The following IL15 variants were observed in gnomAD, a reference collection of about 807,000 sequenced individuals.
The protein encoded by IL15 is interleukin-15.
Under a neutral mutation model 19.6 loss-of-function variants are expected in IL15, and 11 were observed. The ratio of observed to expected loss-of-function variants is 0.56; its 90% CI spans 0.35 to 0.93. The LOEUF (loss-of-function observed/expected upper bound fraction) is 0.93, where lower values mean the gene tolerates loss of function less well. Among genes scored for constraint, IL15 ranks in the 40% least tolerant of loss-of-function variants. The pLI is 0.01. For missense variants in IL15, 197 were observed against 186.5 expected (o/e 1.06, Z -0.33); for synonymous variants, 58 against 59.6 (o/e 0.97, Z 0.12).
intron 2 of IL15, among the ~76,000 whole-genome samples, chr4:141,695,016 T>C (rs188635336): frequency 1.6e-3 from 237 of 152,300 alleles, no homozygotes; most frequent in Non-Finnish European, 3.0e-3. Flanking sequence ...CCTTCCAATT[T>C]GTCTCCCTGT....
chr4:141,709,642 A>T (rs1426082289), intron 2 of IL15, among the ~76,000 whole-genome samples: 1 of 152,232 alleles, frequency 6.6e-6, no homozygotes, highest in Non-Finnish European at 1.5e-5. Context: ...AATTTCTAAA[A>T]ACTATGTTAA....
At chr4:141,705,982 A>AAG (rs1729501972) in intron 2 of IL15, among the ~76,000 whole-genome samples, 1 of 151,800 alleles carries the variant, frequency 6.6e-6, no homozygotes, top group Non-Finnish European at 1.5e-5. Context: ...GGCAGCATAT[A>AAG]GTTGGTTCCT....
intron 2 of IL15, among the ~76,000 whole-genome samples, chr4:141,683,932 T>C (rs568786402): frequency 6.6e-6 from 1 of 152,206 alleles, no homozygotes; most frequent in Non-Finnish European, 1.5e-5. Context: ...GAGAGATTAA[T>C]AACTAGCTTT....
chr4:141,689,669 G>A (rs1728841852), intron 2 of IL15, among the ~76,000 whole-genome samples: 1 of 152,154 alleles, frequency 6.6e-6, no homozygotes, highest in Non-Finnish European at 1.5e-5. Flanking sequence ...TAGACACAGG[G>A]TGCTGATTGG....
At chr4:141,700,275 A>C (rs1311022727) in intron 2 of IL15, among the ~76,000 whole-genome samples, 2 of 152,142 alleles carry the variant, frequency 1.3e-5, no homozygotes, top group Non-Finnish European at 2.9e-5. Context: ...TTGTTTTAAG[A>C]TTTAGAACTT....
chr4:141,690,243 C>G (rs1287962214), intron 2 of IL15, among the ~76,000 whole-genome samples: 1 of 152,224 alleles, frequency 6.6e-6, no homozygotes, highest in Non-Finnish European at 1.5e-5. Flanking sequence ...ACCTCTCCCT[C>G]CACACCTCCC....
intron 2 of IL15, among the ~76,000 whole-genome samples, chr4:141,690,150 G>A (rs756731930): frequency 1.3e-5 from 2 of 152,180 alleles, no homozygotes; most frequent in East Asian, 1.9e-4. Flanking sequence ...CGTCTGCTCC[G>A]ACTGCGTGGC....
intron 2 of IL15, among the ~76,000 whole-genome samples, chr4:141,687,395 A>G (rs1289877617): frequency 6.6e-6 from 1 of 152,030 alleles, no homozygotes; most frequent in Non-Finnish European, 1.5e-5. Flanking sequence ...GATAGATTTA[A>G]GGAAATGCTG....
chr4:141,724,173 C>A (rs964341601), intron 5 of IL15, among the ~76,000 whole-genome samples: 1 of 151,778 alleles, frequency 6.6e-6, no homozygotes, highest in South Asian at 2.1e-4. Context: ...ATACAACGGG[C>A]AAATCTCCAA....
rs1380856239 is a variant in IL15 at position 141,651,798 on chromosome 4, T to A, written c.-221-4388T>A. On this transcript the variant is annotated intron_variant, in intron 1 of 7. Coordinates refer to ENST00000320650, the MANE Select transcript of IL15 (RefSeq NM_000585.5). ...ATAATTTGGTCATGTAAGTTAATAA[T>A]GCAGGCTTAGTTACTCAGGGATTGC... is the stretch of plus-strand genomic sequence containing the variant. Among the ~76,000 whole-genome samples, 6 of 152,258 alleles carry A rather than the reference T, an allele frequency of 3.9e-5. No individual in the cohort carries two copies. In the East Asian group the frequency reaches 1.2e-3, roughly 29 times the overall value.
chr4:141,656,387 G>A (rs1727599424), intron 2 of IL15, 80 bp downstream of exon 2: 1 of 395,440 alleles, frequency 2.5e-6, no homozygotes, highest in Non-Finnish European at 4.5e-6. Flanking sequence ...GGAAAATGTG[G>A]CAAAACAGGT....
At chr4:141,696,153 G>A (rs188684769) in intron 2 of IL15, among the ~76,000 whole-genome samples, 1 of 152,028 alleles carries the variant, frequency 6.6e-6, no homozygotes, top group African/African-American at 2.4e-5. Flanking sequence ...TTTTCTGCAT[G>A]TGATGATGCA....
chr4:141,679,365 A>G (rs1448499911), intron 2 of IL15, among the ~76,000 whole-genome samples: 1 of 152,244 alleles, frequency 6.6e-6, no homozygotes, highest in Non-Finnish European at 1.5e-5. Context: ...TCATAAAGAC[A>G]TGGAAACATT....
At chr4:141,681,251 CT>C (rs1313789067) in intron 2 of IL15, among the ~76,000 whole-genome samples, 1 of 150,600 alleles carries the variant, frequency 6.6e-6, no homozygotes, top group Non-Finnish European at 1.5e-5. Context: ...CTTCCTTCCT[CT>C]TTTTTTTCTA....
chr4:141,655,217 G>A (rs1048289320), intron 1 of IL15, among the ~76,000 whole-genome samples: 11 of 152,216 alleles, frequency 7.2e-5, no homozygotes, highest in African/African-American at 2.4e-4. Flanking sequence ...CAGGGAATGG[G>A]CCTCTCTTAA....
At chr4:141,725,128 G>A (rs891346162) in intron 5 of IL15, among the ~76,000 whole-genome samples, 1 of 152,094 alleles carries the variant, frequency 6.6e-6, no homozygotes, top group African/African-American at 2.4e-5. Flanking sequence ...AGGTACACAA[G>A]TCTTGCTCAA....
chr4:141,726,114 C>T (rs1730255417), intron 5 of IL15, among the ~76,000 whole-genome samples: 1 of 152,112 alleles, frequency 6.6e-6, no homozygotes, highest in South Asian at 2.1e-4. Flanking sequence ...CTTAAAGCCC[C>T]ACCTCTCAAT....
intron 1 of IL15, among the ~76,000 whole-genome samples, chr4:141,641,451 T>G (rs1208383565): frequency 6.6e-6 from 1 of 152,042 alleles, no homozygotes; most frequent in East Asian, 1.9e-4. Context: ...CAAATGTCCA[T>G]CAATGTTAGA....
intron 2 of IL15, among the ~76,000 whole-genome samples, chr4:141,677,264 A>G (rs1002195437): frequency 2.0e-5 from 3 of 152,058 alleles, no homozygotes; most frequent in African/African-American, 4.8e-5. Context: ...AGCTTACTCA[A>G]TTTGAAGACA....
Sources: allele counts gnomAD v4.1 joint callset (sites outside exome capture counted in the v4.1 genomes callset), GRCh38; gene constraint gnomAD v4.1.1; transcripts MANE v1.5; gene names NCBI Gene and HGNC (gene_info 2026-07-23, HGNC 2026-07-21).